HEPH: variants seen among roughly 807,000 people sequenced by gnomAD.
The protein encoded by HEPH is hephaestin.
In HEPH, 69 loss-of-function variants were observed where a neutral mutation model predicts 80.8. That is an observed-to-expected ratio of 0.85 (90% CI 0.70 to 1.04). The LOEUF (loss-of-function observed/expected upper bound fraction) is 1.04. Ranked by LOEUF, HEPH falls within the 50% of genes least tolerant of loss-of-function variation. The probability of loss-of-function intolerance (pLI) is 0.00; values close to 1 mark genes in which losing one functional copy is unlikely to be tolerated. For synonymous variants in HEPH, 431 were observed against 322.8 expected (o/e 1.34, Z -3.60); for missense variants, 1,115 against 891.3 (o/e 1.25, Z -3.20).
At chrX:66,164,899 T>TA (rs778040736) in intron 1 of HEPH, among the ~76,000 whole-genome samples, 13 of 112,203 alleles carry the variant, frequency 1.2e-4, no homozygotes, top group Non-Finnish European at 2.3e-4. Flanking sequence ...ATAGCTTAAC[T>TA]AAGCTAAACA....
intron 15 of HEPH, among the ~76,000 whole-genome samples, chrX:66,239,622 A>G (rs771369986): frequency 8.9e-6 from 1 of 111,971 alleles, no homozygotes; most frequent in Non-Finnish European, 1.9e-5. Flanking sequence ...ATTCTCAGCC[A>G]GAGAAAAATG....
At chrX:66,268,432 G>A (rs1222428883), downstream of HEPH, 2 of 112,158 alleles carry the variant, frequency 1.8e-5, no homozygotes, top group East Asian at 5.6e-4. Flanking sequence ...CAGAAATAAA[G>A]TGTGGGTGGA....
intron 15 of HEPH, among the ~76,000 whole-genome samples, chrX:66,215,543 T>A (rs1026861867): frequency 1.8e-5 from 2 of 111,952 alleles, no homozygotes; most frequent in African/African-American, 6.5e-5. Context: ...TTATTTAAAA[T>A]TTTAATCAAG....
chrX:66,210,106 C>T lies in HEPH; in HGVS notation c.2563+1860C>T, dbSNP rs369757589. ...GAAGGCCAATTTTTAAGGGAGGTAC[C>T]GATTGAAATGTGAGCCTGAGAAAAA... On this transcript the variant is annotated intron_variant, in intron 15 of 20. Coordinates refer to ENST00000343002, the MANE Select transcript of HEPH (RefSeq NM_001367233.3). Among the ~76,000 whole-genome samples the T allele has an allele frequency of 3.3e-4, 37 of 110,790 alleles. 1 individual carries two copies. Among genetic ancestry groups the T allele is most frequent in the Admixed American group, 1.5e-3 (16 of 10,415 alleles).
At chrX:66,232,299 A>G (rs2090182040) in intron 15 of HEPH, among the ~76,000 whole-genome samples, 1 of 111,259 alleles carries the variant, frequency 9.0e-6, no homozygotes. Context: ...TCATAAAATG[A>G]GTTAGGGAGG....
chrX:66,221,489 G>T (rs2089645218), intron 15 of HEPH, among the ~76,000 whole-genome samples: 1 of 112,556 alleles, frequency 8.9e-6, no homozygotes, highest in South Asian at 3.6e-4. Flanking sequence ...TTTGCCCAAG[G>T]GTTATTTTGT....
intron 15 of HEPH, among the ~76,000 whole-genome samples, chrX:66,211,666 T>C (rs1457963693): frequency 8.9e-6 from 1 of 112,007 alleles, no homozygotes; most frequent in African/African-American, 3.2e-5. Context: ...GCAGATTATA[T>C]GATTTCATTC....
chrX:66,231,926 G>C (rs1227607368), intron 15 of HEPH, among the ~76,000 whole-genome samples: 1 of 110,402 alleles, frequency 9.1e-6, no homozygotes, highest in East Asian at 2.8e-4. Flanking sequence ...GTCATAGATA[G>C]CTCTTATTAT....
intron 15 of HEPH, 40 bp from the exon 16 acceptor site, chrX:66,254,995 C>A (rs368205013): frequency 9.9e-7 from 1 of 1,005,983 alleles, no homozygotes. Flanking sequence ...AGAGAAATTT[C>A]TGACCCGGTG....
chrX:66,215,649 C>T (rs1361548252), intron 15 of HEPH, among the ~76,000 whole-genome samples: 1 of 111,715 alleles, frequency 9.0e-6, no homozygotes, highest in East Asian at 2.8e-4. Flanking sequence ...TTGCAGCTCC[C>T]ACTGGGATGG....
chrX:66,241,830 A>G (rs764965404), intron 15 of HEPH, among the ~76,000 whole-genome samples: 1 of 111,269 alleles, frequency 9.0e-6, no homozygotes, highest in African/African-American at 3.3e-5. Flanking sequence ...GATGTCTGTA[A>G]CAGAATTACA....
intron 15 of HEPH, among the ~76,000 whole-genome samples, chrX:66,233,998 T>TA (rs1376604703): frequency 2.7e-5 from 3 of 111,544 alleles, no homozygotes; most frequent in Non-Finnish European, 5.6e-5. Context: ...TACAGACTAT[T>TA]ATCTCACTGA....
At chrX:66,242,976 C>T (rs1030640214) in intron 15 of HEPH, among the ~76,000 whole-genome samples, 2 of 111,809 alleles carry the variant, frequency 1.8e-5, no homozygotes, top group Admixed American at 9.5e-5. Context: ...GAACTTAAAA[C>T]GGAACTACTG....
intron 15 of HEPH, among the ~76,000 whole-genome samples, chrX:66,251,429 A>G (rs1420859130): frequency 9.0e-6 from 1 of 111,498 alleles, no homozygotes; most frequent in East Asian, 2.8e-4. Context: ...TGTAATTTTG[A>G]TTTGCATTTT....
At chrX:66,267,847 A>G (rs1384533950), downstream of HEPH, 2 of 111,387 alleles carry the variant, frequency 1.8e-5, no homozygotes, top group African/African-American at 3.3e-5. Context: ...TAGAGAGCAC[A>G]GATAAGTGAT....
At chrX:66,251,224 A>C (rs1217707806) in intron 15 of HEPH, among the ~76,000 whole-genome samples, 1 of 112,022 alleles carries the variant, frequency 8.9e-6, no homozygotes, top group South Asian at 3.7e-4. Context: ...ACCTAGAACT[A>C]GGATTTCTGG....
chrX:66,204,006 C>T (rs1458110611), intron 13 of HEPH, among the ~76,000 whole-genome samples: 10 of 112,184 alleles, frequency 8.9e-5, no homozygotes, highest in Non-Finnish European at 1.1e-4. Context: ...TTCTTATTCA[C>T]ATAATAATAC....
intron 15 of HEPH, among the ~76,000 whole-genome samples, chrX:66,221,818 G>C (rs2089662420): frequency 8.9e-6 from 1 of 112,375 alleles, no homozygotes; most frequent in African/African-American, 3.2e-5. Flanking sequence ...CCAAAATATT[G>C]ACTCAAATCC....
At chrX:66,241,524 T>A (rs2090581987) in intron 15 of HEPH, among the ~76,000 whole-genome samples, 1 of 111,631 alleles carries the variant, frequency 9.0e-6, no homozygotes, top group African/African-American at 3.3e-5. Context: ...GGGTACTATA[T>A]AATGATAAAG....
Sources: gnomAD v4.1 joint callset for allele counts (sites outside exome capture counted in the v4.1 genomes callset) on GRCh38, gnomAD v4.1.1 for gene constraint, MANE v1.5 for transcripts, NCBI Gene and HGNC (gene_info 2026-07-23, HGNC 2026-07-21) for gene names.